Variants in NHSL1 observed in about 807,000 individuals in gnomAD.
NHSL1 encodes NHS-like protein 1.
A neutral mutation model predicts 95.0 loss-of-function variants in NHSL1; 48 were observed. The ratio of observed to expected loss-of-function variants is 0.51; its 90% confidence interval spans 0.40 to 0.64. The LOEUF (loss-of-function observed/expected upper bound fraction) is 0.64. Among genes scored for constraint, NHSL1 ranks in the 30% least tolerant of loss-of-function variants. NHSL1 has a pLI of 0.00. For missense variants in NHSL1, 1,971 were observed against 2,077.7 expected (o/e 0.95, Z 1.00); for synonymous variants, 783 against 833.9 (o/e 0.94, Z 1.05).
At chr6:138,631,563 C>A (rs1784819921) in intron 1 of NHSL1, among the ~76,000 whole-genome samples, 1 of 152,126 alleles carries the variant, frequency 6.6e-6, no homozygotes, top group Admixed American at 6.5e-5. Flanking sequence ...TCATGAGGCC[C>A]CCTTCCCAGG....
chr6:138,463,353 T>C lies in NHSL1; in HGVS notation c.339+9953A>G, dbSNP rs1020760579. Among the ~76,000 whole-genome samples the C allele has an allele frequency of 4.6e-5, 7 of 152,096 alleles. No individual in the cohort carries two copies. In the East Asian group the frequency reaches 9.7e-4, roughly 21 times the overall value. ...ATCCAAAATCTTTACTATGGCTAAT[T>C]AGGTCCTATGTGATCTGGTCCTTGG... is the stretch of plus-strand genomic sequence containing the variant. On this transcript the variant is annotated intron_variant, in intron 3 of 7. Transcript: ENST00000343505.
chr6:138,434,989 G>A (rs1775980536), intron 5 of NHSL1, among the ~76,000 whole-genome samples: 1 of 152,248 alleles, frequency 6.6e-6, no homozygotes, highest in African/African-American at 2.4e-5. Flanking sequence ...TTTTATACTT[G>A]TATTTTTAGC....
chr6:138,655,161 T>C (rs1173775081), intron 1 of NHSL1, among the ~76,000 whole-genome samples: 2 of 152,136 alleles, frequency 1.3e-5, no homozygotes, highest in African/African-American at 2.4e-5. Context: ...CCTTGACTCA[T>C]AAAGTCCCTT....
At chr6:138,471,933 C>G (rs984044112) in intron 3 of NHSL1, among the ~76,000 whole-genome samples, 2 of 152,004 alleles carry the variant, frequency 1.3e-5, no homozygotes, top group African/African-American at 2.4e-5. Context: ...AATCCCAGCA[C>G]TTTGGGAGGC....
chr6:138,631,391 A>G (rs953755103), intron 1 of NHSL1, among the ~76,000 whole-genome samples: 5 of 152,188 alleles, frequency 3.3e-5, no homozygotes, highest in African/African-American at 1.2e-4. Flanking sequence ...GGAAGCTAAG[A>G]GTGCTGGCAT....
At chr6:138,616,387 T>C (rs538170346) in intron 1 of NHSL1, among the ~76,000 whole-genome samples, 12 of 152,274 alleles carry the variant, frequency 7.9e-5, no homozygotes, top group Middle Eastern at 3.4e-3. Flanking sequence ...AGGAGAATAC[T>C]CACTGGGATG....
intron 1 of NHSL1, among the ~76,000 whole-genome samples, chr6:138,536,599 CATCTTTTTTTT>C (rs1782355660): frequency 8.8e-6 from 1 of 113,472 alleles, no homozygotes; most frequent in Non-Finnish European, 1.7e-5. Context: ...GGACATATGT[CATCTTTTTTTT>C]TTTTTTTTTT....
At chr6:138,613,506 G>C (rs1363177090) in intron 1 of NHSL1, among the ~76,000 whole-genome samples, 1 of 152,200 alleles carries the variant, frequency 6.6e-6, no homozygotes. Context: ...CAGTAAAACT[G>C]AGGGAGTATG....
chr6:138,503,536 C>A (rs9495096), upstream of NHSL1, among the ~76,000 whole-genome samples: 2 of 152,040 alleles, frequency 1.3e-5, no homozygotes, highest in Non-Finnish European at 2.9e-5. Context: ...CACCACCACA[C>A]CCATTTGTTC....
chr6:138,495,337 G>A (rs1236806270), intron 2 of NHSL1, among the ~76,000 whole-genome samples: 1 of 152,172 alleles, frequency 6.6e-6, no homozygotes, highest in Non-Finnish European at 1.5e-5. Flanking sequence ...ACTTGACCAA[G>A]TATACCTTGC....
intron 1 of NHSL1, among the ~76,000 whole-genome samples, chr6:138,558,699 ACGAG>A (rs1332376081): frequency 9.2e-5 from 14 of 152,240 alleles, no homozygotes; most frequent in Middle Eastern, 3.4e-3. Flanking sequence ...GATTACAGGC[ACGAG>A]CTACAGTGCC....
chr6:138,653,838 CAT>C lies in NHSL1; in HGVS notation c.96+38636_96+38637del, dbSNP rs560655476. On this transcript the variant is annotated intron_variant, in intron 1 of 3. Coordinates refer to the NHSL1 transcript ENST00000491526. ...AATACATATGAAATGTTTCACGAAA[CAT>C]GTCTTACCCTTACTGTATGATACGC... Among the ~76,000 whole-genome samples the C allele has an allele frequency of 1.1e-4, 16 of 152,296 alleles. No individual in the cohort carries two copies. The South Asian group carries it at 2.5e-3, about 24-fold the overall frequency.
intron 5 of NHSL1, among the ~76,000 whole-genome samples, chr6:138,438,951 T>C (rs1268152314): frequency 6.6e-6 from 1 of 152,190 alleles, no homozygotes; most frequent in East Asian, 1.9e-4. Context: ...GATGTTCAGA[T>C]ACATTTCTGT....
chr6:138,614,012 G>C (rs1334528499), intron 1 of NHSL1, among the ~76,000 whole-genome samples: 1 of 152,164 alleles, frequency 6.6e-6, no homozygotes, highest in African/African-American at 2.4e-5. Flanking sequence ...TGGCTGGTTT[G>C]CCTACCCAAT....
At chr6:138,682,920 G>A (rs543788084) in intron 1 of NHSL1, among the ~76,000 whole-genome samples, 19 of 152,334 alleles carry the variant, frequency 1.2e-4, no homozygotes, top group African/African-American at 2.2e-4. Flanking sequence ...GAGGAAAGCC[G>A]AGGTGCAGGC....
At chr6:138,598,184 C>T (rs992917041) in intron 1 of NHSL1, among the ~76,000 whole-genome samples, 10 of 152,052 alleles carry the variant, frequency 6.6e-5, no homozygotes, top group African/African-American at 1.4e-4. Flanking sequence ...TTAGGCCAGG[C>T]GTGGTGGCTC....
At chr6:138,496,904 A>C (rs1031185455) in intron 1 of NHSL1, among the ~76,000 whole-genome samples, 1 of 152,248 alleles carries the variant, frequency 6.6e-6, no homozygotes, top group Non-Finnish European at 1.5e-5. Flanking sequence ...GTAAACATTC[A>C]ATTTACATGT....
At chr6:138,639,550 G>A (rs1289675678) in intron 1 of NHSL1, among the ~76,000 whole-genome samples, 1 of 151,610 alleles carries the variant, frequency 6.6e-6, no homozygotes, top group Non-Finnish European at 1.5e-5. Flanking sequence ...GCTGAGGCAG[G>A]AGAATGGCAT....
chr6:138,623,446 G>C (rs1784693135), intron 1 of NHSL1, among the ~76,000 whole-genome samples: 1 of 152,178 alleles, frequency 6.6e-6, no homozygotes, highest in African/African-American at 2.4e-5. Context: ...ACAACATGAA[G>C]TTTTGATATA....
Sources: gnomAD v4.1 joint callset for allele counts (sites outside exome capture counted in the v4.1 genomes callset) on GRCh38, gnomAD v4.1.1 for gene constraint, MANE v1.5 for transcripts, NCBI Gene and HGNC (gene_info 2026-07-23, HGNC 2026-07-21) for gene names.